ADAMTS9: variants seen among roughly 807,000 people sequenced by gnomAD.
ADAMTS9 encodes the protein A disintegrin and metalloproteinase with thrombospondin motifs 9.
A neutral mutation model predicts 257.1 loss-of-function variants in ADAMTS9; 107 were observed. The observed-to-expected ratio is 0.42, with a 90% confidence interval of 0.36 to 0.49. ADAMTS9 has a LOEUF of 0.49. Among genes scored for constraint, ADAMTS9 ranks in the 20% least tolerant of loss-of-function variants. The probability of loss-of-function intolerance (pLI) is 0.03; values close to 1 mark genes in which losing one functional copy is unlikely to be tolerated. For missense variants in ADAMTS9, 2,353 were observed against 2,469.1 expected, an observed-to-expected ratio of 0.95 and a Z score of 1.00; for synonymous variants, 982 against 880.9, an observed-to-expected ratio of 1.11 and a Z score of -2.03.
intron 23 of ADAMTS9, 108 bp from the exon 24 acceptor site, chr3:64,604,439 A>G (rs2084523343): frequency 1.3e-6 from 1 of 791,792 alleles, no homozygotes; most frequent in African/African-American, 1.7e-5. Flanking sequence ...CTAAGGCTTC[A>G]GATTTCTGTG....
At position 64,686,194 on chromosome 3, in the gene ADAMTS9, G is replaced by T. The variant is rs1195457108; in HGVS notation, c.516+374C>A. 2.0e-5 allele frequency among the ~76,000 whole-genome samples: 3 copies of T among 152,372 alleles called. No individual in the cohort carries two copies. The highest frequency in any genetic ancestry group is 2.0e-4 in the Admixed American group (3 of 15,310). ...ACCAATAAGGAGTCTGGTCCGCCCT[G>T]CGCTCAGCGGCTCCGCTCCCGGGTG... On this transcript the variant is annotated intron_variant, in intron 2 of 39. Coordinates refer to ENST00000498707, the MANE Select transcript of ADAMTS9 (RefSeq NM_182920.2). This position sits in a 1 kb window ranked among gnomAD's most constrained non-coding sequence, Gnocchi z 4.6.
chr3:64,668,158 G>A (rs1003055633), intron 3 of ADAMTS9, among the ~76,000 whole-genome samples: 3 of 152,090 alleles, frequency 2.0e-5, no homozygotes, highest in African/African-American at 4.8e-5. Flanking sequence ...TTTGTGCCAC[G>A]GCTTGGCATC....
At chr3:64,555,301 A>C (rs2083319193) in intron 30 of ADAMTS9, among the ~76,000 whole-genome samples, 1 of 152,230 alleles carries the variant, frequency 6.6e-6, no homozygotes, top group Non-Finnish European at 1.5e-5. Context: ...CCCAAATAGT[A>C]TATATTTGTT....
intron 39 of ADAMTS9, among the ~76,000 whole-genome samples, chr3:64,517,999 C>A (rs545057140): frequency 3.3e-5 from 5 of 152,114 alleles, no homozygotes; most frequent in African/African-American, 1.2e-4. Flanking sequence ...AGCGACCATG[C>A]GACCTAACCA....
chr3:64,517,900 A>T (rs947141185), intron 39 of ADAMTS9, among the ~76,000 whole-genome samples: 1 of 152,124 alleles, frequency 6.6e-6, no homozygotes, highest in African/African-American at 2.4e-5. Flanking sequence ...GTCCTTTGGG[A>T]ACCATCCCTC....
chr3:64,661,336 A>G (rs1484215683), intron 3 of ADAMTS9, among the ~76,000 whole-genome samples: 1 of 152,180 alleles, frequency 6.6e-6, no homozygotes, highest in Non-Finnish European at 1.5e-5. Context: ...GCATACCAGG[A>G]CCAAATCAAT....
At chr3:64,522,297 G>C in intron 38 of ADAMTS9, 37 bp from the exon 39 acceptor site, 1 of 1,592,814 alleles carries the variant, frequency 6.3e-7, no homozygotes. Flanking sequence ...TGCCTGCTTG[G>C]TTAATGCTTT....
In ADAMTS9 at chr3:64,686,485, T is replaced by A; in HGVS notation, c.516+83A>T. ...GAGCGGAGCCTCGCCACAGTGAGGG[T>A]CTCTAGGCTTAGAGGACAATTAAGT... On this transcript the variant is annotated intron_variant, in intron 2 of 39. Transcript: ENST00000498707. The surrounding 1 kb of genome is among the most constrained non-coding windows in gnomAD (Gnocchi z 4.6). 1 of 1,462,036 alleles carries A rather than the reference T, an allele frequency of 6.8e-7. No individual in the cohort carries two copies. Among genetic ancestry groups the A allele is most frequent in the Non-Finnish European group, 9.1e-7 (1 of 1,097,836 alleles). 90.6% of individuals were successfully genotyped at this position (1,462,036 alleles called of 1,614,324 possible).
Position 64,515,660 on chromosome 3 carries a change from T to C in ADAMTS9, c.*1467A>G, listed in dbSNP as rs1338684534. ...CTATGCGAAACACAAATGGTTTGGG[T>C]GTGGTGATGTATTTATTCATAATAT... On this transcript the variant is annotated 3_prime_UTR_variant, in exon 40 of 40. Transcript: ENST00000498707. 6.6e-6 allele frequency: 1 copy of C among 152,180 alleles called. No homozygotes were observed. Among genetic ancestry groups the C allele is most frequent in the African/African-American group, 2.4e-5 (1 of 41,434 alleles). 9.4% of individuals were successfully genotyped at this position (152,180 alleles called of 1,614,324 possible). A position where few individuals can be genotyped will look rare whatever the true frequency, so the allele number is the denominator to read the frequency against.
At chr3:64,565,156 A>G (rs1432955342) in intron 29 of ADAMTS9, among the ~76,000 whole-genome samples, 1 of 152,318 alleles carries the variant, frequency 6.6e-6, no homozygotes, top group East Asian at 1.9e-4. Flanking sequence ...CCATGTGCAT[A>G]TGGCTTCCTT....
chr3:64,538,337 A>G (rs1025765727), intron 37 of ADAMTS9, among the ~76,000 whole-genome samples: 13 of 152,152 alleles, frequency 8.5e-5, no homozygotes, highest in African/African-American at 1.7e-4. Context: ...ATTTCTGACT[A>G]CCATTCAGGA....
intron 28 of ADAMTS9, 45 bp downstream of exon 28, chr3:64,594,213 G>C: frequency 6.4e-7 from 1 of 1,574,218 alleles, no homozygotes; most frequent in Middle Eastern, 2.1e-4. Context: ...GAATACCTTG[G>C]AATTAGATAG....
intron 10 of ADAMTS9, among the ~76,000 whole-genome samples, chr3:64,649,055 A>T (rs1187138358): frequency 1.3e-5 from 2 of 152,156 alleles, no homozygotes; most frequent in Non-Finnish European, 2.9e-5. Context: ...AGCTCTGCTC[A>T]TCTGTAACCG....
intron 11 of ADAMTS9, among the ~76,000 whole-genome samples, chr3:64,645,655 T>C (rs145516349): frequency 2.5e-3 from 379 of 152,326 alleles, no homozygotes; most frequent in Non-Finnish European, 4.0e-3. Flanking sequence ...GATATTTATA[T>C]ATATCCACAT....
intron 16 of ADAMTS9, among the ~76,000 whole-genome samples, chr3:64,626,748 G>A (rs555982055): frequency 6.6e-6 from 1 of 152,304 alleles, no homozygotes; most frequent in East Asian, 1.9e-4. Flanking sequence ...ACCCATAGTA[G>A]GTGCTCAATC....
chr3:64,659,306 A>C (rs144616094), intron 3 of ADAMTS9, among the ~76,000 whole-genome samples: 17 of 152,216 alleles, frequency 1.1e-4, no homozygotes, highest in Admixed American at 1.0e-3. Flanking sequence ...TGTCCTTACC[A>C]AAAATACAAA....
intron 31 of ADAMTS9, among the ~76,000 whole-genome samples, chr3:64,547,662 G>A (rs1576004111): frequency 6.6e-6 from 1 of 152,124 alleles, no homozygotes; most frequent in Middle Eastern, 3.4e-3. Flanking sequence ...ACAGGTGTGT[G>A]CCACCACACC....
intron 11 of ADAMTS9, among the ~76,000 whole-genome samples, chr3:64,645,265 G>T (rs997130723): frequency 6.6e-6 from 1 of 152,112 alleles, no homozygotes; most frequent in Non-Finnish European, 1.5e-5. Context: ...GTTGGAATGG[G>T]GACTTGGAGG....
rs201428033 is a variant in ADAMTS9, at chr3:64,641,870, T to C, written c.1834A>G (p.Ile612Val). 160 of 1,614,136 alleles carry C rather than the reference T, an allele frequency of 9.9e-5. No individual in the cohort carries two copies. The highest frequency in any genetic ancestry group is 8.2e-4 in the Middle Eastern group (5 of 6,062). The change falls in exon 12 of 40, where the codon ATT (isoleucine) becomes GTT (valine). Residue 612 changes from isoleucine to valine, a missense_variant. This residue lies in a region of ADAMTS9 where 360 missense variants were observed against 458.1 expected (regional missense o/e 0.79). Coordinates refer to ENST00000498707, the MANE Select transcript of ADAMTS9 (RefSeq NM_182920.2). Reference protein sequence around the residue: ...RTCGGGIKTAIRECNRPEPKN... With the variant: ...RTCGGGIKTAVRECNRPEPKN... The stretch of plus-strand genomic sequence containing the variant: ...TACTCTGGTCTGTTGCACTCTCGAA[T>C]GGCTGTTTTGATGCCCCCTCCACAT...
Sources: allele counts gnomAD v4.1 joint callset (sites outside exome capture counted in the v4.1 genomes callset), GRCh38; gene constraint gnomAD v4.1.1; regional missense constraint gnomAD v4.1.1; non-coding constraint Gnocchi (gnomAD v3.1); transcripts MANE v1.5; gene names NCBI Gene and HGNC (gene_info 2026-07-23, HGNC 2026-07-21).